The following ADAMTSL1 variants were observed in gnomAD, a reference collection of about 807,000 sequenced individuals.
The protein encoded by ADAMTSL1 is ADAMTS-like protein 1.
A neutral mutation model predicts 201.8 loss-of-function variants in ADAMTSL1; 126 were observed. The ratio of observed to expected loss-of-function variants is 0.62; its 90% confidence interval spans 0.54 to 0.72. ADAMTSL1 has a LOEUF of 0.72. Ranked by LOEUF, ADAMTSL1 falls within the 30% of genes least tolerant of loss-of-function variation. ADAMTSL1 has a pLI of 0.00. For synonymous variants in ADAMTSL1, 1,121 were observed against 903.4 expected (o/e 1.24, Z -4.32); for missense variants, 2,679 against 2,277.8 (o/e 1.18, Z -3.59).
intron 23 of ADAMTSL1, among the ~76,000 whole-genome samples, chr9:18,833,822 G>A (rs1427947296): frequency 2.0e-5 from 3 of 152,092 alleles, no homozygotes; most frequent in Admixed American, 6.6e-5. Context: ...ACAGTCTTGG[G>A]TTTTACATTT....
chr9:18,525,455 T>G (rs57339828), intron 2 of ADAMTSL1, among the ~76,000 whole-genome samples: 1 of 152,122 alleles, frequency 6.6e-6, no homozygotes, highest in African/African-American at 2.4e-5. Context: ...AATTCTGCTC[T>G]GATCTTAGTA....
At position 18,254,368 on chromosome 9, in the gene ADAMTSL1, T is replaced by G. The variant is rs981675160; in HGVS notation, c.207+90387T>G. Reference sequence around the variant, plus strand: ...TGGTTTTTTTTTTTTTTTTTTTTTTTTTTTTTTTTTTTGAGATGGAATCTC... The same window carrying G: ...TGGTTTTTTTTTTTTTTTTTTTTTTGTTTTTTTTTTTTGAGATGGAATCTC... On this transcript the variant is annotated intron_variant, in intron 2 of 29. Coordinates refer to the ADAMTSL1 transcript ENST00000680146. Among the ~76,000 whole-genome samples the G allele has an allele frequency of 7.2e-3, 825 of 113,868 alleles. 16 individuals carry two copies. The highest frequency in any genetic ancestry group is 0.039 in the Middle Eastern group (10 of 254). The allele number at this position is 113,868 out of a possible 152,430, so 74.7% of individuals were successfully genotyped here.
chr9:18,199,350 G>C (rs7044635), intron 2 of ADAMTSL1, among the ~76,000 whole-genome samples: 150,073 of 152,196 alleles, frequency 0.99, 74,025 homozygotes, highest in Middle Eastern at 1. Context: ...TGTGTATTTT[G>C]AAAATAAAAA....
chr9:18,556,337 A>G (rs1287289323), intron 3 of ADAMTSL1, among the ~76,000 whole-genome samples: 1 of 152,062 alleles, frequency 6.6e-6, no homozygotes, highest in Non-Finnish European at 1.5e-5. Context: ...TGAGTACTTG[A>G]TAAGTGTCTC....
chr9:17,997,610 G>A (rs189838337), intron 1 of ADAMTSL1, among the ~76,000 whole-genome samples: 6 of 152,050 alleles, frequency 3.9e-5, no homozygotes, highest in African/African-American at 1.4e-4. Flanking sequence ...TCCACACAGC[G>A]ATGCCTCTGT....
chr9:18,504,817 T>C lies in ADAMTSL1; in HGVS notation c.64-12T>C, dbSNP rs1823031679. On this transcript the variant is annotated splice_polypyrimidine_tract_variant and intron_variant, in intron 1 of 28. Transcript: ENST00000380548. ...GGGGATATGATGCTGACCATTCTTT[T>C]GTTTCTCACAGAGTTCCAGGACCGC... 6.2e-7 allele frequency: 1 copy of C among 1,614,220 alleles called. No homozygotes were observed.
Position 17,939,275 on chromosome 9 carries a change from A to G in ADAMTSL1, c.87+32353A>G, listed in dbSNP as rs111418214. Among the ~76,000 whole-genome samples, 5 of 140,512 alleles carry G rather than the reference A, an allele frequency of 3.6e-5. 1 individual carries two copies. Among genetic ancestry groups the G allele is most frequent in the African/African-American group, 1.3e-4 (5 of 37,296 alleles). The allele number at this position is 140,512 out of a possible 152,430, so 92.2% of individuals were successfully genotyped here. Reference sequence around the variant, plus strand: ...TGAATGTGGTGTTACCTAACCTTGCAAAGCCTCCCTTCATTAGAAACTTTT... The same window carrying G: ...TGAATGTGGTGTTACCTAACCTTGCGAAGCCTCCCTTCATTAGAAACTTTT... On this transcript the variant is annotated intron_variant, in intron 1 of 29. Transcript: ENST00000680146.
At chr9:18,063,051 G>A (rs555112133) in intron 1 of ADAMTSL1, among the ~76,000 whole-genome samples, 2 of 152,236 alleles carry the variant, frequency 1.3e-5, no homozygotes, top group African/African-American at 4.8e-5. Flanking sequence ...GTTTGTTGCC[G>A]GGTGTGGTAG....
At chr9:18,421,764 G>A (rs1340240500) in intron 2 of ADAMTSL1, among the ~76,000 whole-genome samples, 1 of 152,102 alleles carries the variant, frequency 6.6e-6, no homozygotes, top group Non-Finnish European at 1.5e-5. Context: ...TTTGCAGTAT[G>A]AATGAAGTAT....
At position 18,817,149 on chromosome 9, in the gene ADAMTSL1, C is replaced by T; in HGVS notation, c.3846C>T (p.Asn1282=). The change falls in exon 21 of 29, where the codon AAC becomes AAT. Residue 1282 remains asparagine (N), a synonymous_variant. Coordinates refer to ENST00000380548, the MANE Select transcript of ADAMTSL1 (RefSeq NM_001040272.6). ...LVKTSRMTVI[N]TEKPAVTVDI... ...AAACGTCACGAATGACAGTGATCAA[C>T]ACGGAGAAGCCTGCAGTCACAGTCG... The T allele has an allele frequency of 2.5e-6, 4 of 1,602,122 alleles. No individual in the cohort carries two copies. The highest frequency in any genetic ancestry group is 1.1e-5 in the South Asian group (1 of 88,400).
chr9:18,777,417 T>G lies in ADAMTSL1; in HGVS notation c.3188T>G (p.Val1063Gly). The G allele has an allele frequency of 6.2e-7, 1 of 1,601,782 alleles. No individual in the cohort carries two copies. Among genetic ancestry groups the G allele is most frequent in the Non-Finnish European group, 8.5e-7 (1 of 1,174,748 alleles). ...GAGGAGGACCCGGGTGCAGAGCAAG[T>G]GCTCCTGCACCTGCCCTTCACCATG... ...TSEEDPGAEQ[V>G]LLHLPFTMVT... The change falls in exon 19 of 29, where the codon GTG becomes GGG. Residue 1063 changes from valine to glycine, a missense_variant. Val to Gly is a moderately radical substitution (Grantham distance 109). Transcript: ENST00000380548.
intron 2 of ADAMTSL1, among the ~76,000 whole-genome samples, chr9:18,387,975 G>A (rs918291005): frequency 3.1e-5 from 4 of 128,768 alleles, no homozygotes; most frequent in African/African-American, 1.0e-4. Context: ...ATTCAAAATT[G>A]CTGTACCTTT....
At chr9:18,729,737 T>C (rs560095439) in intron 15 of ADAMTSL1, among the ~76,000 whole-genome samples, 1 of 152,258 alleles carries the variant, frequency 6.6e-6, no homozygotes, top group East Asian at 1.9e-4. Flanking sequence ...AAGCCGGAGT[T>C]TGGGAATGGT....
intron 1 of ADAMTSL1, among the ~76,000 whole-genome samples, chr9:18,089,106 C>T (rs571617556): frequency 2.6e-5 from 4 of 152,190 alleles, no homozygotes; most frequent in African/African-American, 9.6e-5. Context: ...GAGCCAAGAT[C>T]GTGCCATTGC....
At chr9:18,844,584 C>T (rs200488532) in intron 23 of ADAMTSL1, among the ~76,000 whole-genome samples, 5 of 152,202 alleles carry the variant, frequency 3.3e-5, no homozygotes, top group African/African-American at 9.6e-5. Flanking sequence ...GACAGGGACA[C>T]TTAAGTCTGC....
intron 2 of ADAMTSL1, among the ~76,000 whole-genome samples, chr9:18,371,871 C>T (rs1324529937): frequency 3.9e-5 from 6 of 152,196 alleles, no homozygotes. Flanking sequence ...TTCTTCCCTA[C>T]AAGGGCTCTG....
chr9:18,556,896 T>C (rs1587552126), intron 3 of ADAMTSL1, among the ~76,000 whole-genome samples: 1 of 152,054 alleles, frequency 6.6e-6, no homozygotes, highest in East Asian at 1.9e-4. Flanking sequence ...GAAAGAATTG[T>C]CACCAAATCT....
chr9:17,958,843 A>T (rs1298339033), intron 1 of ADAMTSL1, among the ~76,000 whole-genome samples: 1 of 152,174 alleles, frequency 6.6e-6, no homozygotes, highest in African/African-American at 2.4e-5. Context: ...TCCATGGGAA[A>T]TGTGGGCCCA....
At chr9:18,461,368 T>TCGA (rs893535475) in intron 2 of ADAMTSL1, among the ~76,000 whole-genome samples, 2 of 152,160 alleles carry the variant, frequency 1.3e-5, no homozygotes, top group African/African-American at 4.8e-5. Flanking sequence ...TAACATTTAA[T>TCGA]CGACAAAAAT....
Sources: allele counts gnomAD v4.1 joint callset (sites outside exome capture counted in the v4.1 genomes callset), GRCh38; gene constraint gnomAD v4.1.1; transcripts MANE v1.5; gene names NCBI Gene and HGNC (gene_info 2026-07-23, HGNC 2026-07-21).